Variants in TFB2M observed in about 807,000 individuals in gnomAD.
The protein encoded by TFB2M is dimethyladenosine transferase 2, mitochondrial.
A neutral mutation model predicts 41.3 loss-of-function variants in TFB2M; 44 were observed. That is an observed-to-expected ratio of 1.07 (90% CI 0.84 to 1.37). The LOEUF (loss-of-function observed/expected upper bound fraction) is 1.37. Ranked by LOEUF, TFB2M falls within the 40% of genes most tolerant of loss-of-function variation. TFB2M has a pLI of 0.00. For synonymous variants in TFB2M, 188 were observed against 176.8 expected, an observed-to-expected ratio of 1.06 and a Z score of -0.50; for missense variants, 496 against 490.2, an observed-to-expected ratio of 1.01 and a Z score of -0.11.
chr1:246,557,721 G>A (rs1659362809), intron 2 of TFB2M, among the ~76,000 whole-genome samples, 187 bp from the exon 3 acceptor site: 1 of 152,160 alleles, frequency 6.6e-6, no homozygotes, highest in African/African-American at 2.4e-5. Flanking sequence ...TTGCCAGGCT[G>A]GAGTGCAGTG....
chr1:246,563,107 C>T (rs1213698215), intron 2 of TFB2M, among the ~76,000 whole-genome samples: 1 of 152,012 alleles, frequency 6.6e-6, no homozygotes, highest in African/African-American at 2.4e-5. Flanking sequence ...CACAGCATCC[C>T]AGGAGACTGA....
intron 7 of TFB2M, among the ~76,000 whole-genome samples, chr1:246,543,798 AAAATAT>A (rs1483069988): frequency 1.4e-5 from 2 of 146,838 alleles, no homozygotes; most frequent in Non-Finnish European, 2.9e-5. Context: ...TTATAAACAC[AAAATAT>A]AAATATAAAA....
chr1:246,540,789 G>T lies in TFB2M; in HGVS notation c.*242C>A, dbSNP rs747168264. ...TTTAAATAGGAATCTGAAACAAAAC[G>T]AATTCAATCTGATCAAATCCACAAT... On this transcript the variant is annotated 3_prime_UTR_variant, in exon 8 of 8. Coordinates refer to ENST00000366514, the MANE Select transcript of TFB2M (RefSeq NM_022366.3). 1 of 366,296 alleles carries T rather than the reference G, an allele frequency of 2.7e-6. No individual in the cohort carries two copies. Among genetic ancestry groups the T allele is most frequent in the Non-Finnish European group, 4.9e-6 (1 of 205,292 alleles). 22.7% of individuals were successfully genotyped at this position (366,296 alleles called of 1,614,324 possible).
chr1:246,550,029 C>T (rs11799584), intron 5 of TFB2M, among the ~76,000 whole-genome samples: 41,401 of 152,120 alleles, frequency 0.27, 6,336 homozygotes, highest in East Asian at 0.66. Context: ...TGCTGAGAAA[C>T]GTTAGGTCCA....
chr1:246,565,481 A>AG (rs1307378385), intron 1 of TFB2M, among the ~76,000 whole-genome samples: 9 of 152,298 alleles, frequency 5.9e-5, no homozygotes, highest in African/African-American at 1.7e-4. Flanking sequence ...TGGGAGACCT[A>AG]GGGGGGAGGA....
intron 4 of TFB2M, among the ~76,000 whole-genome samples, chr1:246,554,324 G>A (rs1392927289): frequency 1.3e-5 from 2 of 152,170 alleles, no homozygotes; most frequent in Admixed American, 6.5e-5. Context: ...ATACCAGTCC[G>A]TGTCCTGTTA....
At chr1:246,545,035 G>C (rs553710688) in intron 6 of TFB2M, among the ~76,000 whole-genome samples, 11 of 147,970 alleles carry the variant, frequency 7.4e-5, no homozygotes, top group East Asian at 2.3e-4. Context: ...TCGATCTCCT[G>C]ACCTCGTGAT....
At chr1:246,546,962 T>TACACACACACAC (rs1191913962) in intron 6 of TFB2M, among the ~76,000 whole-genome samples, 7 of 73,960 alleles carry the variant, frequency 9.5e-5, no homozygotes, top group African/African-American at 2.0e-4. Context: ...TATATATGTA[T>TACACACACACAC]ATATACACAC....
intron 6 of TFB2M, among the ~76,000 whole-genome samples, chr1:246,545,136 C>A (rs1201403761): frequency 1.3e-5 from 2 of 152,062 alleles, no homozygotes; most frequent in African/African-American, 4.8e-5. Context: ...ACCAAGAACA[C>A]AAAGCCCTAA....
intron 2 of TFB2M, among the ~76,000 whole-genome samples, chr1:246,561,563 G>A (rs1428961751): frequency 6.6e-6 from 1 of 152,104 alleles, no homozygotes; most frequent in Non-Finnish European, 1.5e-5. Context: ...CACCTACCGG[G>A]TTCAAGTGAT....
In TFB2M at chr1:246,544,629, C is replaced by A; in HGVS notation, c.911G>T (p.Arg304Leu). The A allele has an allele frequency of 6.2e-7, 1 of 1,607,714 alleles. No homozygotes were observed. Among genetic ancestry groups the A allele is most frequent in the Non-Finnish European group, 8.5e-7 (1 of 1,178,468 alleles). Residue 304 changes from arginine (R) to leucine (L), a missense_variant, in exon 7 of 8, where the codon CGT becomes CTT. Physicochemically the swap from Arg to Leu is moderately radical, Grantham distance 102. Transcript: ENST00000366514. ...QKLYLIQMIPRQNLFTKNLTP... is the reference protein window; with the variant it reads ...QKLYLIQMIPLQNLFTKNLTP... Reference sequence around the variant, plus strand: ...TAAGTTCTTGGTAAATAAATTTTGACGAGGAATCATTTGAATAAGATACAG... The same window carrying A: ...TAAGTTCTTGGTAAATAAATTTTGAAGAGGAATCATTTGAATAAGATACAG...
intron 6 of TFB2M, among the ~76,000 whole-genome samples, chr1:246,546,232 G>T (rs917915303): frequency 1.5e-4 from 22 of 151,162 alleles, no homozygotes; most frequent in African/African-American, 5.3e-4. Context: ...GATCACTTGA[G>T]TCCCGGGAGT....
At chr1:246,544,953 C>T (rs370772808) in intron 6 of TFB2M, among the ~76,000 whole-genome samples, 32 of 152,136 alleles carry the variant, frequency 2.1e-4, no homozygotes, top group East Asian at 7.8e-4. Flanking sequence ...CTACAGGCGC[C>T]CACCACCACG....
Position 246,545,862 on chromosome 1 carries a change from C to G in TFB2M, c.859-1181G>C, listed in dbSNP as rs189637405. Among the ~76,000 whole-genome samples the G allele has an allele frequency of 1.4e-3, 209 of 146,008 alleles. 1 individual carries two copies. Among genetic ancestry groups the G allele is most frequent in the African/African-American group, 5.0e-3 (201 of 40,262 alleles). The stretch of plus-strand genomic sequence containing the variant: ...CCTAGATTCCCCCAGCTCTGTACTT[C>G]TCAGCTGCAAAGCAAGTCCACTAAA... On this transcript the variant is annotated intron_variant, in intron 6 of 7. Coordinates refer to ENST00000366514, the MANE Select transcript of TFB2M (RefSeq NM_022366.3).
At chr1:246,541,428 G>A in intron 7 of TFB2M, among the ~76,000 whole-genome samples, 1 of 18,054 alleles carries the variant, frequency 5.5e-5, no homozygotes, top group Non-Finnish European at 9.2e-5. Context: ...TACACTATTT[G>A]GGCATGGGTA....
chr1:246,558,271 CA>C (rs1306136959), intron 2 of TFB2M, among the ~76,000 whole-genome samples: 1 of 151,718 alleles, frequency 6.6e-6, no homozygotes, highest in East Asian at 1.9e-4. Flanking sequence ...CTCAGTCCCA[CA>C]AGCAGCTAGG....
In TFB2M at chr1:246,548,585, A is replaced by T; in HGVS notation, c.818T>A (p.Ile273Lys). The change falls in exon 6 of 8, where the codon ATA becomes AAA. Residue 273 changes from isoleucine to lysine, a missense_variant. By Grantham distance (102) the Ile-to-Lys change is moderately radical. Coordinates refer to ENST00000366514, the MANE Select transcript of TFB2M (RefSeq NM_022366.3). Reference sequence around the variant, plus strand: ...TTCCAGCGGCCCTTTCCGGGTGTATATATCAAATGATGACCAAGGCTCCTG... The same window carrying T: ...TTCCAGCGGCCCTTTCCGGGTGTATTTATCAAATGATGACCAAGGCTCCTG... Reference protein sequence around the residue: ...LHMEPWSSFDIYTRKGPLENP... With the variant: ...LHMEPWSSFDKYTRKGPLENP... The T allele has an allele frequency of 2.5e-6, 4 of 1,613,478 alleles. No homozygotes were observed. Among genetic ancestry groups the T allele is most frequent in the Non-Finnish European group, 3.4e-6 (4 of 1,179,788 alleles).
At position 246,565,973 on chromosome 1, in the gene TFB2M, C is replaced by G; in HGVS notation, c.166G>C (p.Asp56His). The G allele has an allele frequency of 6.2e-7, 1 of 1,614,232 alleles. No individual in the cohort carries two copies. Among genetic ancestry groups the G allele is most frequent in the Non-Finnish European group, 8.5e-7 (1 of 1,180,044 alleles). Residue 56 changes from aspartate (D) to histidine (H), a missense_variant, in exon 1 of 8, where the codon GAT becomes CAT. Physicochemically the swap from Asp to His is moderately conservative, Grantham distance 81 (BLOSUM62 -1). Transcript: ENST00000366514. ...GCCTTCCTTGGCGGATTCCTGAAAT[C>G]CGGTTCGGGCCACAGCTGCGGAGAG... ...DSSPQLWPEP[D>H]FRNPPRKASK...
chr1:246,557,544 G>A lies in TFB2M; in HGVS notation c.403-10C>T. 1.9e-6 allele frequency: 3 copies of A among 1,573,092 alleles called. No homozygotes were observed. The highest frequency in any genetic ancestry group is 1.2e-5 in the South Asian group (1 of 82,316). ...GATTTTTTCCTAAGGACTAAAGAGA[G>A]ACAAAGATAACACGTTAAAAATTTT... On this transcript the variant is annotated splice_polypyrimidine_tract_variant and intron_variant, in intron 2 of 7. Coordinates refer to ENST00000366514, the MANE Select transcript of TFB2M (RefSeq NM_022366.3).
Sources: allele counts gnomAD v4.1 joint callset (sites outside exome capture counted in the v4.1 genomes callset), GRCh38; gene constraint gnomAD v4.1.1; transcripts MANE v1.5; gene names NCBI Gene and HGNC (gene_info 2026-07-23, HGNC 2026-07-21).